The following GMDS variants were observed in gnomAD, a reference collection of about 807,000 sequenced individuals.
The protein encoded by GMDS is GDP-mannose 4,6 dehydratase.
In GMDS, 20 loss-of-function variants were observed where a neutral mutation model predicts 49.9. The observed-to-expected ratio is 0.40, with a 90% CI of 0.28 to 0.58. The LOEUF is 0.58. Among genes scored for constraint, GMDS ranks in the 20% least tolerant of loss-of-function variants. The pLI, the probability that GMDS is intolerant of heterozygous loss-of-function variation, is 0.42. For missense variants in GMDS, 362 were observed against 481.4 expected (o/e 0.75, Z 2.32); for synonymous variants, 177 against 178.6 (o/e 0.99, Z 0.07).
intron 1 of GMDS, among the ~76,000 whole-genome samples, chr6:2,208,135 T>A (rs766937656): frequency 6.6e-6 from 1 of 152,152 alleles, no homozygotes; most frequent in Non-Finnish European, 1.5e-5. Flanking sequence ...AAGAGAAGTC[T>A]GATGGTAGCC....
At chr6:1,806,361 T>A (rs144482541) in intron 7 of GMDS, among the ~76,000 whole-genome samples, 377 of 152,188 alleles carry the variant, frequency 2.5e-3, no homozygotes, top group African/African-American at 7.9e-3. Context: ...ATGCTGTCAA[T>A]GTAATTCAAA....
At chr6:2,204,881 G>A (rs1186139359) in intron 1 of GMDS, among the ~76,000 whole-genome samples, 4 of 152,002 alleles carry the variant, frequency 2.6e-5, no homozygotes, top group Non-Finnish European at 5.9e-5. Context: ...TTGTGTTAGG[G>A]GCCATTTTTC....
chr6:1,972,977 C>T (rs751953718), intron 4 of GMDS, among the ~76,000 whole-genome samples: 2 of 152,106 alleles, frequency 1.3e-5, no homozygotes, highest in Non-Finnish European at 2.9e-5. Context: ...GAGTCCATGG[C>T]GTAAGAAAGG....
At chr6:1,749,026 G>T (rs1767622256) in intron 7 of GMDS, among the ~76,000 whole-genome samples, 1 of 151,798 alleles carries the variant, frequency 6.6e-6, no homozygotes, top group African/African-American at 2.4e-5. Flanking sequence ...AATCTTAGGA[G>T]GGGGAACAGG....
chr6:1,626,231 T>A (rs1421795904), intron 9 of GMDS: 2 of 152,272 alleles, frequency 1.3e-5, no homozygotes, highest in African/African-American at 4.8e-5. Flanking sequence ...GTCGTTCTCA[T>A]CATCCATCAC....
At chr6:2,202,027 A>T in intron 1 of GMDS, among the ~76,000 whole-genome samples, 1 of 140,074 alleles carries the variant, frequency 7.1e-6, no homozygotes, top group Non-Finnish European at 1.6e-5. Flanking sequence ...GGCATCCGAG[A>T]TGAAACCATC....
At chr6:2,024,585 A>G (rs559494825) in intron 4 of GMDS, among the ~76,000 whole-genome samples, 1 of 152,216 alleles carries the variant, frequency 6.6e-6, no homozygotes, top group South Asian at 2.1e-4. Flanking sequence ...TCAAGTATGC[A>G]TGTTAAAGTT....
chr6:1,834,809 C>T (rs150593492), intron 7 of GMDS, among the ~76,000 whole-genome samples: 227 of 152,204 alleles, frequency 1.5e-3, no homozygotes, highest in African/African-American at 5.1e-3. Flanking sequence ...ATCCAGGTCC[C>T]GGGAACCCTG....
chr6:1,938,066 G>A (rs1405139023), intron 6 of GMDS, among the ~76,000 whole-genome samples: 1 of 152,146 alleles, frequency 6.6e-6, no homozygotes, highest in Admixed American at 6.5e-5. Context: ...GAGGGGCATT[G>A]TTTCCTCACT....
At chr6:1,824,303 G>A (rs866665030) in intron 7 of GMDS, among the ~76,000 whole-genome samples, 155 of 152,210 alleles carry the variant, frequency 1.0e-3, no homozygotes, top group African/African-American at 3.4e-3. Flanking sequence ...GCAACGTGAC[G>A]GAAACTCCAA....
intron 7 of GMDS, among the ~76,000 whole-genome samples, chr6:1,849,486 C>T (rs1757558456): frequency 6.6e-6 from 1 of 152,128 alleles, no homozygotes; most frequent in African/African-American, 2.4e-5. Context: ...AAAAAGCAAA[C>T]AGCACTGTTA....
chr6:2,076,915 T>C (rs998055928), intron 4 of GMDS, among the ~76,000 whole-genome samples: 3 of 152,222 alleles, frequency 2.0e-5, no homozygotes, highest in Admixed American at 2.0e-4. Context: ...ACAAATGCTA[T>C]AAATTCTTTT....
chr6:1,916,365 G>A (rs1430628790), intron 7 of GMDS, among the ~76,000 whole-genome samples: 6 of 152,004 alleles, frequency 3.9e-5, no homozygotes, highest in Admixed American at 2.6e-4. Context: ...TACTCAAGAT[G>A]CCATTAGCGC....
intron 7 of GMDS, among the ~76,000 whole-genome samples, chr6:1,873,537 C>T (rs1260211860): frequency 6.6e-6 from 1 of 152,166 alleles, no homozygotes; most frequent in South Asian, 2.1e-4. Flanking sequence ...AATGAAATGC[C>T]AGCTGACATA....
At chr6:1,986,308 T>C (rs778406194) in intron 4 of GMDS, among the ~76,000 whole-genome samples, 8 of 152,126 alleles carry the variant, frequency 5.3e-5, no homozygotes, top group Non-Finnish European at 8.8e-5. Flanking sequence ...ACCAGTGCCG[T>C]CTGGACAAGT....
At chr6:1,781,315 T>C (rs933078827) in intron 7 of GMDS, among the ~76,000 whole-genome samples, 3 of 152,212 alleles carry the variant, frequency 2.0e-5, no homozygotes, top group Non-Finnish European at 2.9e-5. Context: ...GCTGTGTTCC[T>C]GCTGCTGCTG....
At chr6:1,884,269 C>G (rs1367555756) in intron 7 of GMDS, among the ~76,000 whole-genome samples, 1 of 152,206 alleles carries the variant, frequency 6.6e-6, no homozygotes, top group Non-Finnish European at 1.5e-5. Context: ...GACCAAAACA[C>G]TGCCAACAAA....
Position 1,912,509 on chromosome 6 carries a change from G to C in GMDS, c.771+17594C>G, listed in dbSNP as rs1761122473. 2.0e-5 allele frequency among the ~76,000 whole-genome samples: 3 copies of C among 152,054 alleles called. No individual in the cohort carries two copies. In the South Asian group the frequency reaches 6.2e-4, roughly 32 times the overall value. ...AATTTGAAAGCTTTAAATACAAACA[G>C]TTATAAAACAAAGTCTTATCCAAAT... On this transcript the variant is annotated intron_variant, in intron 7 of 10. Coordinates refer to ENST00000380815, the MANE Select transcript of GMDS (RefSeq NM_001500.4).
At chr6:1,723,847 A>G (rs2318107) in intron 9 of GMDS, among the ~76,000 whole-genome samples, 127,533 of 152,208 alleles carry the variant, frequency 0.84, 53,895 homozygotes, top group East Asian at 1. Flanking sequence ...ACAAACCTCA[A>G]AGAAGCTTGG....
Sources: allele counts gnomAD v4.1 joint callset (sites outside exome capture counted in the v4.1 genomes callset), GRCh38; gene constraint gnomAD v4.1.1; transcripts MANE v1.5; gene names NCBI Gene and HGNC (gene_info 2026-07-23, HGNC 2026-07-21).